CSMD3: variants seen among roughly 807,000 people sequenced by gnomAD.
The protein encoded by CSMD3 is CUB and sushi domain-containing protein 3.
In CSMD3, 177 loss-of-function variants were observed where a neutral mutation model predicts 435.2. That is an observed-to-expected ratio of 0.41 (90% CI 0.36 to 0.46). CSMD3 has a LOEUF of 0.46. Among genes scored for constraint, CSMD3 ranks in the 20% least tolerant of loss-of-function variants. The probability of loss-of-function intolerance (pLI) is 0.34; values close to 1 mark genes in which losing one functional copy is unlikely to be tolerated. For synonymous variants in CSMD3, 1,656 were observed against 1,520.5 expected, an observed-to-expected ratio of 1.09 and a Z score of -2.07; for missense variants, 4,265 against 4,504.6, an observed-to-expected ratio of 0.95 and a Z score of 1.52.
At chr8:112,371,152 G>A (rs963082313) in intron 38 of CSMD3, among the ~76,000 whole-genome samples, 1 of 152,138 alleles carries the variant, frequency 6.6e-6, no homozygotes, top group Non-Finnish European at 1.5e-5. Context: ...AGAGGTGAGG[G>A]CCTAGCCCAC....
intron 45 of CSMD3, among the ~76,000 whole-genome samples, chr8:112,326,670 G>A (rs571041249): frequency 1.6e-4 from 25 of 152,240 alleles, no homozygotes; most frequent in African/African-American, 5.5e-4. Flanking sequence ...AAGCACCCAC[G>A]TGACTTCCCA....
chr8:113,312,065 AAT>A (rs779053547), intron 2 of CSMD3: 5 of 152,090 alleles, frequency 3.3e-5, no homozygotes, highest in Non-Finnish European at 7.4e-5. Flanking sequence ...GCTAAGAAAA[AAT>A]AGATTTTTAT....
At chr8:113,171,267 C>A (rs1429410363) in intron 4 of CSMD3, among the ~76,000 whole-genome samples, 1 of 151,764 alleles carries the variant, frequency 6.6e-6, no homozygotes, top group Non-Finnish European at 1.5e-5. Flanking sequence ...CTCTTCATCC[C>A]AGTATAGCTA....
intron 18 of CSMD3, among the ~76,000 whole-genome samples, chr8:112,654,867 T>G (rs1200683431): frequency 6.6e-6 from 1 of 152,218 alleles, no homozygotes; most frequent in Non-Finnish European, 1.5e-5. Context: ...TGATATCAAT[T>G]AATTACTAGT....
chr8:112,684,279 C>T (rs957878556), intron 15 of CSMD3, among the ~76,000 whole-genome samples: 5 of 151,876 alleles, frequency 3.3e-5, no homozygotes, highest in African/African-American at 7.2e-5. Flanking sequence ...CACATGTCAC[C>T]GCTAATTTAA....
chr8:112,327,490 A>C (rs557474172), intron 45 of CSMD3, among the ~76,000 whole-genome samples: 4 of 152,308 alleles, frequency 2.6e-5, no homozygotes, highest in African/African-American at 9.6e-5. Context: ...TAAACTTTAA[A>C]TCATATGTAC....
At chr8:113,023,461 G>A (rs2086759562) in intron 5 of CSMD3, among the ~76,000 whole-genome samples, 1 of 151,766 alleles carries the variant, frequency 6.6e-6, no homozygotes, top group Admixed American at 6.6e-5. Flanking sequence ...TTTTAAACCA[G>A]TTTTGACCTC....
chr8:112,855,422 G>A (rs2080620073), intron 11 of CSMD3, among the ~76,000 whole-genome samples: 1 of 152,102 alleles, frequency 6.6e-6, no homozygotes, highest in Admixed American at 6.6e-5. Context: ...TATGGAAAAT[G>A]TGCATGATAT....
At chr8:112,813,275 A>T (rs1038294045) in intron 12 of CSMD3, among the ~76,000 whole-genome samples, 6 of 152,106 alleles carry the variant, frequency 3.9e-5, no homozygotes, top group Non-Finnish European at 8.8e-5. Context: ...TGCCTTTTAA[A>T]CTCTTTAAGG....
At chr8:112,290,363 T>C (rs1046902720) in intron 56 of CSMD3, among the ~76,000 whole-genome samples, 1 of 151,940 alleles carries the variant, frequency 6.6e-6, no homozygotes, top group Non-Finnish European at 1.5e-5. Flanking sequence ...TCAAAAAACA[T>C]ATGAGAGCTC....
At chr8:112,441,353 T>C (rs1438197847) in intron 32 of CSMD3, among the ~76,000 whole-genome samples, 1 of 152,170 alleles carries the variant, frequency 6.6e-6, no homozygotes, top group Non-Finnish European at 1.5e-5. Flanking sequence ...TCTAAGAAGT[T>C]CCATACTTTC....
chr8:112,261,521 CAT>C (rs1491291431), intron 61 of CSMD3, among the ~76,000 whole-genome samples: 2 of 151,400 alleles, frequency 1.3e-5, no homozygotes, highest in African/African-American at 2.4e-5. Context: ...CACGTGTATG[CAT>C]GTGTGTGTGT....
intron 1 of CSMD3, among the ~76,000 whole-genome samples, chr8:113,417,626 T>C (rs1051733061): frequency 6.6e-6 from 1 of 151,992 alleles, no homozygotes; most frequent in Admixed American, 6.6e-5. Context: ...TTAGGAGAAA[T>C]AAATGTAACA....
chr8:112,552,670 G>A lies in CSMD3; in HGVS notation c.4285C>T (p.Pro1429Ser), dbSNP rs1827790100. Residue 1429 changes from proline (P) to serine (S), a missense_variant, in exon 26 of 71, where the codon CCT becomes TCT. Around this residue, in one of 3 missense-constraint regions of CSMD3, gnomAD observed 3,255 missense variants for 3,380.2 expected, o/e 0.96. Transcript: ENST00000297405. Reference sequence around the variant, plus strand: ...TTGTCATATGGAAAAGGATAGCCAGGAGATAAGATTCTTCCTGATGATTCT... The same window carrying A: ...TTGTCATATGGAAAAGGATAGCCAGAAGATAAGATTCTTCCTGATGATTCT... Reference protein sequence around the residue: ...KGESSGRILSPGYPFPYDNNL... With the variant: ...KGESSGRILSSGYPFPYDNNL... 56 of 1,611,664 alleles carry A rather than the reference G, an allele frequency of 3.5e-5. No homozygotes were observed. The highest frequency in any genetic ancestry group is 4.8e-5 in the Non-Finnish European group (56 of 1,178,470).
chr8:112,311,163 A>G lies in CSMD3; in HGVS notation c.7700T>C (p.Phe2567Ser). ...KKGFRIRYIA[F>S]YCSTPESPPH... The stretch of plus-strand genomic sequence containing the variant: ...TGGGGATTCTGGTGTACTACAGTAG[A>G]AAGCTTTTCAAAAGAAAAAAAAAAT... The change falls in exon 50 of 71, where the codon TTC becomes TCC. Residue 2567 changes from phenylalanine (F) to serine (S), a missense_variant. By Grantham distance (155) the Phe-to-Ser change is radical. Around this residue, in one of 3 missense-constraint regions of CSMD3, gnomAD observed 3,255 missense variants for 3,380.2 expected, o/e 0.96. Transcript: ENST00000297405. 6.2e-7 allele frequency: 1 copy of G among 1,613,334 alleles called. No individual in the cohort carries two copies. The highest frequency in any genetic ancestry group is 8.5e-7 in the Non-Finnish European group (1 of 1,179,426).
At chr8:113,252,319 T>C (rs2093341699) in intron 3 of CSMD3, among the ~76,000 whole-genome samples, 1 of 152,112 alleles carries the variant, frequency 6.6e-6, no homozygotes, top group Admixed American at 6.6e-5. Context: ...CTATCTATCA[T>C]CTATAACAAA....
intron 13 of CSMD3, among the ~76,000 whole-genome samples, chr8:112,767,324 T>C (rs1411343648): frequency 6.6e-6 from 1 of 151,816 alleles, no homozygotes; most frequent in African/African-American, 2.4e-5. Flanking sequence ...TGGAGCAACA[T>C]AAACTAGGAC....
intron 38 of CSMD3, among the ~76,000 whole-genome samples, chr8:112,370,011 GGAAGAAGAAGAGGAA>G (rs1201893656): frequency 5.1e-5 from 2 of 39,088 alleles, no homozygotes; most frequent in African/African-American, 1.3e-4. Context: ...AAGAGGAAGA[GGAAGAAGAAGAGGAA>G]GAAGAAGAAG....
intron 1 of CSMD3, among the ~76,000 whole-genome samples, chr8:113,315,053 A>C (rs977089130): frequency 2.0e-5 from 3 of 152,322 alleles, no homozygotes; most frequent in East Asian, 1.9e-4. Context: ...ATCCACATAC[A>C]TCTGATTCAT....
Sources: allele counts gnomAD v4.1 joint callset (sites outside exome capture counted in the v4.1 genomes callset), GRCh38; gene constraint gnomAD v4.1.1; regional missense constraint gnomAD v4.1.1; transcripts MANE v1.5; gene names NCBI Gene and HGNC (gene_info 2026-07-23, HGNC 2026-07-21).